ITGA9: variants seen among roughly 807,000 people sequenced by gnomAD.
ITGA9 encodes the protein integrin subunit alpha 9, also known as integrin alpha-9.
ITGA9 carries 56 observed loss-of-function variants against 127.8 expected under a neutral mutation model. That is an observed-to-expected ratio of 0.44 (90% CI 0.35 to 0.55). The LOEUF (loss-of-function observed/expected upper bound fraction) is 0.55, where lower values mean the gene tolerates loss of function less well. Among genes scored for constraint, ITGA9 ranks in the 20% least tolerant of loss-of-function variants. The pLI, the probability that ITGA9 is intolerant of heterozygous loss-of-function variation, is 0.00. For missense variants in ITGA9, 1,196 were observed against 1,347.1 expected, an observed-to-expected ratio of 0.89 and a Z score of 1.76; for synonymous variants, 508 against 514.5, an observed-to-expected ratio of 0.99 and a Z score of 0.17.
At chr3:37,706,616 G>A (rs549208956) in intron 18 of ITGA9, among the ~76,000 whole-genome samples, 47 of 152,244 alleles carry the variant, frequency 3.1e-4, no homozygotes, top group African/African-American at 1.1e-3. Flanking sequence ...GGTTGTTAAG[G>A]GCCACCTCCA....
chr3:37,703,515 G>A (rs1224390193), intron 18 of ITGA9, among the ~76,000 whole-genome samples: 1 of 152,090 alleles, frequency 6.6e-6, no homozygotes, highest in African/African-American at 2.4e-5. Flanking sequence ...TGGCTATTGT[G>A]TATCATTCTT....
chr3:37,508,935 G>T (rs1201835785), intron 8 of ITGA9, among the ~76,000 whole-genome samples: 1 of 152,102 alleles, frequency 6.6e-6, no homozygotes, highest in Non-Finnish European at 1.5e-5. Flanking sequence ...CTGTCTCTCT[G>T]CCTCCATCCT....
At chr3:37,519,023 G>A (rs9682813) in intron 10 of ITGA9, among the ~76,000 whole-genome samples, 6,700 of 151,110 alleles carry the variant, frequency 0.044, 418 homozygotes, top group African/African-American at 0.14. Flanking sequence ...GACCTCAGGC[G>A]ACCTGCCCGC....
intron 15 of ITGA9, among the ~76,000 whole-genome samples, chr3:37,619,129 G>A (rs1700103617): frequency 1.3e-5 from 2 of 152,180 alleles, no homozygotes; most frequent in South Asian, 2.1e-4. Context: ...AATTTTAAAA[G>A]GACAAAGTAA....
At position 37,790,132 on chromosome 3, in the gene ITGA9, T is replaced by C. The variant is rs535732086; in HGVS notation, c.2889+5054T>C. The C allele has an allele frequency of 3.2e-5, 18 of 561,742 alleles. No homozygotes were observed. The East Asian group carries it at 7.9e-4, about 25-fold the overall frequency. 34.8% of individuals were successfully genotyped at this position (561,742 alleles called of 1,614,324 possible). ...TTTGCCTTTGGGAATGCTCTTAATA[T>C]TTATCATATCAAAGTGATGACCTTT... On this transcript the variant is annotated intron_variant, in intron 26 of 27. Coordinates refer to ENST00000264741, the MANE Select transcript of ITGA9 (RefSeq NM_002207.3).
chr3:37,455,752 G>A (rs1698249107), intron 1 of ITGA9, among the ~76,000 whole-genome samples: 1 of 152,208 alleles, frequency 6.6e-6, no homozygotes, highest in Admixed American at 6.5e-5. Context: ...TTTTACAGGT[G>A]AAAAGATGTG....
rs1447005004 is a variant in ITGA9 at position 37,503,063 on chromosome 3, A to G, written c.613-115A>G. The G allele has an allele frequency of 3.2e-6, 4 of 1,249,782 alleles. No individual in the cohort carries two copies. In the East Asian group the frequency reaches 9.4e-5, roughly 29 times the overall value. The allele number at this position is 1,249,782 out of a possible 1,614,324, so 77.4% of individuals were successfully genotyped here. ...CTGTTTTTGTTGCTTAGCTGGGGAA[A>G]AAAAAGTTCTTGGTGTGAGGAATTT... On this transcript the variant is annotated intron_variant, in intron 5 of 27. Transcript: ENST00000264741.
intron 17 of ITGA9, among the ~76,000 whole-genome samples, chr3:37,675,090 A>G (rs1271419097): frequency 1.3e-5 from 2 of 152,136 alleles, no homozygotes; most frequent in Non-Finnish European, 2.9e-5. Context: ...TTTTATATTT[A>G]TGTGCTATGC....
chr3:37,564,825 C>T (rs1219896041), intron 15 of ITGA9, among the ~76,000 whole-genome samples: 4 of 152,224 alleles, frequency 2.6e-5, no homozygotes, highest in African/African-American at 7.2e-5. Context: ...CAGCCACAAC[C>T]ATCCCTACCT....
chr3:37,603,704 C>T (rs554685562), intron 15 of ITGA9, among the ~76,000 whole-genome samples: 1 of 152,238 alleles, frequency 6.6e-6, no homozygotes, highest in South Asian at 2.1e-4. Context: ...ATGGACCCCC[C>T]TATACCCAGT....
At chr3:37,733,947 A>C (rs1696327852) in intron 19 of ITGA9, among the ~76,000 whole-genome samples, 1 of 152,232 alleles carries the variant, frequency 6.6e-6, no homozygotes, top group Non-Finnish European at 1.5e-5. Context: ...CAGTGTGAAC[A>C]TCCTGTGATT....
intron 17 of ITGA9, among the ~76,000 whole-genome samples, chr3:37,673,927 A>G (rs1700659227): frequency 6.6e-6 from 1 of 152,224 alleles, no homozygotes; most frequent in South Asian, 2.1e-4. Context: ...CATAATACAT[A>G]TTCATGAAAT....
At chr3:37,663,609 C>A (rs573650039) in intron 17 of ITGA9, among the ~76,000 whole-genome samples, 2 of 152,288 alleles carry the variant, frequency 1.3e-5, no homozygotes, top group South Asian at 4.1e-4. Context: ...GAGTTTGAAA[C>A]AAATTGTTCT....
intron 17 of ITGA9, 61 bp downstream of exon 17, chr3:37,653,851 C>A: frequency 8.1e-7 from 1 of 1,228,036 alleles, no homozygotes; most frequent in Non-Finnish European, 1.2e-6. Context: ...CCCCAGGTCC[C>A]AAACCTGAAT....
intron 3 of ITGA9, among the ~76,000 whole-genome samples, chr3:37,479,381 CAA>C (rs1698528412): frequency 6.6e-6 from 1 of 152,198 alleles, no homozygotes; most frequent in South Asian, 2.1e-4. Context: ...TGTCATACGA[CAA>C]GAGGCAGAAT....
chr3:37,527,958 T>A (rs577408262), intron 13 of ITGA9, among the ~76,000 whole-genome samples: 11 of 152,104 alleles, frequency 7.2e-5, no homozygotes, highest in Admixed American at 2.0e-4. Context: ...GCTAATTTTT[T>A]AATATTTTTA....
intron 15 of ITGA9, among the ~76,000 whole-genome samples, chr3:37,560,817 G>T (rs1454556746): frequency 6.6e-6 from 1 of 152,206 alleles, no homozygotes; most frequent in East Asian, 1.9e-4. Flanking sequence ...CCACAGACTT[G>T]TGGTTTATAT....
chr3:37,529,530 A>G (rs1419983011), intron 13 of ITGA9, among the ~76,000 whole-genome samples: 4 of 152,232 alleles, frequency 2.6e-5, no homozygotes, highest in Non-Finnish European at 5.9e-5. Context: ...GCTTGGCTGC[A>G]AAGGAGCAAA....
intron 5 of ITGA9, among the ~76,000 whole-genome samples, chr3:37,500,682 C>T (rs886355404): frequency 3.3e-5 from 5 of 152,192 alleles, no homozygotes; most frequent in Admixed American, 2.0e-4. Flanking sequence ...TAAATCTCTG[C>T]GGCAGGATCT....
Sources: gnomAD v4.1 joint callset for allele counts (sites outside exome capture counted in the v4.1 genomes callset) on GRCh38, gnomAD v4.1.1 for gene constraint, MANE v1.5 for transcripts, NCBI Gene and HGNC (gene_info 2026-07-23, HGNC 2026-07-21) for gene names.